Variants in NHLRC2 observed in about 807,000 individuals in gnomAD.
NHLRC2 encodes the protein NHL repeat containing 2.
A neutral mutation model predicts 68.1 loss-of-function variants in NHLRC2; 33 were observed. The observed-to-expected ratio is 0.48, with a 90% CI of 0.37 to 0.65. The LOEUF (loss-of-function observed/expected upper bound fraction) is 0.65. Ranked by LOEUF, NHLRC2 falls within the 30% of genes least tolerant of loss-of-function variation. The pLI is 0.00. For missense variants in NHLRC2, 761 were observed against 853.8 expected (o/e 0.89, Z 1.35); for synonymous variants, 311 against 309.6 (o/e 1.00, Z -0.05).
At position 113,898,133 on chromosome 10, in the gene NHLRC2, A is replaced by G; in HGVS notation, c.1063A>G (p.Ile355Val). 1.9e-6 allele frequency: 3 copies of G among 1,612,008 alleles called. No individual in the cohort carries two copies. The highest frequency in any genetic ancestry group is 2.5e-6 in the Non-Finnish European group (3 of 1,178,210). ...TSGSEVQRGD[I>V]LWIAMAGTHQ... ...AGGTTCAGAGGTCCAAAGAGGTGAC[A>G]TTTTATGGATAGCCATGGCAGGGAC... The change falls in exon 6 of 11, where the codon ATT (isoleucine) becomes GTT (valine). Residue 355 changes from isoleucine to valine, a missense_variant. Transcript: ENST00000369301.
chr10:113,898,033 A>C (rs1000484103), intron 5 of NHLRC2, 77 bp from the exon 6 acceptor site: 5 of 726,450 alleles, frequency 6.9e-6, no homozygotes, highest in African/African-American at 1.8e-5. Context: ...TCCTCCATAA[A>C]TTTAACATTT....
Position 113,855,023 on chromosome 10 carries a change from G to C in NHLRC2, c.151G>C (p.Asp51His). Residue 51 changes from aspartate (D) to histidine (H), a missense_variant, in exon 1 of 11, where the codon GAC becomes CAC. Asp to His is a moderately conservative substitution (Grantham distance 81). Transcript: ENST00000369301. ...GCAGAAGGTGGACGGCTGGGAGCAG[G>C]ACTTGTCAGTACCCGAGTTTCCGGA... ...YLQKVDGWEQ[D>H]LSVPEFPEGL... is the part of the protein sequence containing the mutation. The C allele has an allele frequency of 6.4e-7, 1 of 1,553,070 alleles. No individual in the cohort carries two copies. The highest frequency in any genetic ancestry group is 8.7e-7 in the Non-Finnish European group (1 of 1,147,704).
At position 113,913,578 on chromosome 10, in the gene NHLRC2, G is replaced by A. The variant is rs1367089090; in HGVS notation, c.*5042G>A. 1.3e-5 allele frequency: 2 copies of A among 152,090 alleles called. No individual in the cohort carries two copies. The highest frequency in any genetic ancestry group is 2.4e-5 in the African/African-American group (1 of 41,420). 9.4% of individuals were successfully genotyped at this position (152,090 alleles called of 1,614,324 possible). On this transcript the variant is annotated 3_prime_UTR_variant, in exon 11 of 11. Coordinates refer to ENST00000369301, the MANE Select transcript of NHLRC2 (RefSeq NM_198514.4). ...AGTTCTAACGGTTGGTCTTCAAAAC[G>A]TAATTAAGACCTTATCATAAAGAGC...
chr10:113,870,993 T>C (rs187775764), intron 2 of NHLRC2, among the ~76,000 whole-genome samples: 52 of 151,900 alleles, frequency 3.4e-4, no homozygotes, highest in African/African-American at 1.2e-3. Flanking sequence ...TTCCATGTGT[T>C]AATTATTCTT....
Position 113,910,697 on chromosome 10 carries a change from A to G in NHLRC2, c.*2161A>G, listed in dbSNP as rs1485430495. The G allele has an allele frequency of 2.0e-5, 3 of 152,214 alleles. No individual in the cohort carries two copies. The highest frequency in any genetic ancestry group is 7.2e-5 in the African/African-American group (3 of 41,462). 9.4% of individuals were successfully genotyped at this position (152,214 alleles called of 1,614,324 possible). A position where few individuals can be genotyped will look rare whatever the true frequency, so the allele number is the denominator to read the frequency against. ...ATTTTTCAATATAATATACAAACAC[A>G]GTGTTTGTTATACATGTTCATGTAC... On this transcript the variant is annotated 3_prime_UTR_variant, in exon 11 of 11. Coordinates refer to ENST00000369301, the MANE Select transcript of NHLRC2 (RefSeq NM_198514.4).
rs1254651285 is a variant in NHLRC2 at position 113,912,332 on chromosome 10, A to G, written c.*3796A>G. ...ACCCTACATTTTCTTTGCAACTACAATTTGTGAAGGAAAATCTCCCACTAA... is the reference window on the plus strand; with the variant it reads ...ACCCTACATTTTCTTTGCAACTACAGTTTGTGAAGGAAAATCTCCCACTAA... On this transcript the variant is annotated 3_prime_UTR_variant, in exon 11 of 11. Coordinates refer to ENST00000369301, the MANE Select transcript of NHLRC2 (RefSeq NM_198514.4). 6 of 152,204 alleles carry G rather than the reference A, an allele frequency of 3.9e-5. No individual in the cohort carries two copies. The highest frequency in any genetic ancestry group is 2.9e-5 in the Non-Finnish European group (2 of 68,022). The allele number at this position is 152,204 out of a possible 1,614,324, so 9.4% of individuals were successfully genotyped here. A position where few individuals can be genotyped will look rare whatever the true frequency, so the allele number is the denominator to read the frequency against.
rs75977675 is a variant in NHLRC2, at chr10:113,887,002, A to G, written c.1039+2622A>G. Among the ~76,000 whole-genome samples, 36 of 152,348 alleles carry G rather than the reference A, an allele frequency of 2.4e-4. No individual in the cohort carries two copies. The East Asian group carries it at 6.5e-3, about 28-fold the overall frequency. Reference sequence around the variant, plus strand: ...TAAGGGGCTAATATCCAAAATATGTAAGGAACTCAACTCAATATCAAGAAA... The same window carrying G: ...TAAGGGGCTAATATCCAAAATATGTGAGGAACTCAACTCAATATCAAGAAA... On this transcript the variant is annotated intron_variant, in intron 5 of 10. Transcript: ENST00000369301.
At chr10:113,867,643 C>T (rs1192259782) in intron 2 of NHLRC2, among the ~76,000 whole-genome samples, 1 of 152,226 alleles carries the variant, frequency 6.6e-6, no homozygotes, top group Non-Finnish European at 1.5e-5. Flanking sequence ...AACACCTTGA[C>T]ACAGTGTTCC....
At chr10:113,863,929 G>A (rs748360153) in intron 2 of NHLRC2, among the ~76,000 whole-genome samples, 2 of 152,156 alleles carry the variant, frequency 1.3e-5, no homozygotes, top group Non-Finnish European at 2.9e-5. Context: ...TAGAAAACCT[G>A]AATAGACCTA....
At position 113,911,293 on chromosome 10, in the gene NHLRC2, C is replaced by T. The variant is rs191176557; in HGVS notation, c.*2757C>T. The T allele has an allele frequency of 7.2e-5, 11 of 152,134 alleles. No homozygotes were observed. Among genetic ancestry groups the T allele is most frequent in the Admixed American group, 2.6e-4 (4 of 15,300 alleles). 9.4% of individuals were successfully genotyped at this position (152,134 alleles called of 1,614,324 possible). On this transcript the variant is annotated 3_prime_UTR_variant, in exon 11 of 11. Transcript: ENST00000369301. ...GATATGATTCTTGTAAAGAGTTTAG[C>T]TTATCTTGAACATTCTGTCTTAAGC...
chr10:113,855,093 C>T (rs767261542), intron 1 of NHLRC2, 43 bp downstream of exon 1: 1 of 1,508,942 alleles, frequency 6.6e-7, no homozygotes, highest in South Asian at 1.2e-5. Context: ...CCGGCACCTC[C>T]CCTTCCTCGG....
At chr10:113,859,362 G>A (rs1208876725) in intron 2 of NHLRC2, among the ~76,000 whole-genome samples, 1 of 152,008 alleles carries the variant, frequency 6.6e-6, no homozygotes, top group East Asian at 1.9e-4. Flanking sequence ...ATTTAATTAG[G>A]TTCAAGTGAA....
chr10:113,876,157 G>T (rs115257769), intron 2 of NHLRC2, among the ~76,000 whole-genome samples: 1 of 150,576 alleles, frequency 6.6e-6, no homozygotes, highest in African/African-American at 2.4e-5. Context: ...CCAAAAGCAG[G>T]CATAGTCAAC....
chr10:113,858,616 C>T lies in NHLRC2; in HGVS notation c.267C>T (p.Cys89=). Reference sequence around the variant, plus strand: ...TCGTCCTTGATTTCTTCACCTACTGCTGCATAAACTGTATTCACCTATTGC... The same window carrying T: ...TCGTCCTTGATTTCTTCACCTACTGTTGCATAAACTGTATTCACCTATTGC... The part of the protein sequence containing the change: ...KIVVLDFFTY[C]CINCIHLLPD... Residue 89 remains cysteine (C), a synonymous_variant, in exon 2 of 11, where the codon TGC becomes TGT. Transcript: ENST00000369301. 1 of 1,609,156 alleles carries T rather than the reference C, an allele frequency of 6.2e-7. No individual in the cohort carries two copies. The highest frequency in any genetic ancestry group is 1.1e-5 in the South Asian group (1 of 90,970).
rs546197634 is a variant in NHLRC2, at chr10:113,914,823, G to A, written c.*6287G>A. The stretch of plus-strand genomic sequence containing the variant: ...AATTAAGAGTTTGCTTTTTTCCCAT[G>A]TCTTTGCAATAGGATAATATAAAGA... On this transcript the variant is annotated 3_prime_UTR_variant, in exon 11 of 11. Coordinates refer to ENST00000369301, the MANE Select transcript of NHLRC2 (RefSeq NM_198514.4). 8.7e-6 allele frequency: 3 copies of A among 344,470 alleles called. No homozygotes were observed. The highest frequency in any genetic ancestry group is 1.7e-5 in the Non-Finnish European group (3 of 175,066). 21.3% of individuals were successfully genotyped at this position (344,470 alleles called of 1,614,324 possible). A position where few individuals can be genotyped will look rare whatever the true frequency, so the allele number is the denominator to read the frequency against.
chr10:113,868,534 G>C (rs942061490), intron 2 of NHLRC2, among the ~76,000 whole-genome samples: 5 of 152,086 alleles, frequency 3.3e-5, no homozygotes, highest in Non-Finnish European at 7.4e-5. Flanking sequence ...AATATGATAT[G>C]GTTTATTATA....
At chr10:113,879,725 C>T in intron 4 of NHLRC2, 30 bp downstream of exon 4, 2 of 1,348,052 alleles carry the variant, frequency 1.5e-6, no homozygotes, top group South Asian at 1.3e-5. Flanking sequence ...TGTTTTAATA[C>T]TTACAATCAG....
rs78463571 is a variant in NHLRC2, at chr10:113,886,942, G to T, written c.1039+2562G>T. On this transcript the variant is annotated intron_variant, in intron 5 of 10. Transcript: ENST00000369301. Reference sequence around the variant, plus strand: ...TAACAGAATGAAGAGACAACCTATGGGTTGGGAGAAAATATCTGCAAACCA... The same window carrying T: ...TAACAGAATGAAGAGACAACCTATGTGTTGGGAGAAAATATCTGCAAACCA... Among the ~76,000 whole-genome samples the T allele has an allele frequency of 5.1e-3, 771 of 152,206 alleles. 6 individuals are homozygous for T. Among genetic ancestry groups the T allele is most frequent in the African/African-American group, 0.018 (728 of 41,524 alleles).
Position 113,908,479 on chromosome 10 carries a change from A to T in NHLRC2, c.2124A>T (p.Gln708His). 1 of 1,614,118 alleles carries T rather than the reference A, an allele frequency of 6.2e-7. No individual in the cohort carries two copies. Among genetic ancestry groups the T allele is most frequent in the Non-Finnish European group, 8.5e-7 (1 of 1,179,970 alleles). ...CAATTTTGTTCAGTCAGCCTTTACA[A>T]ATAACGGATACACAGCAAGGTTGCA... ...MKAILFSQPL[Q>H]ITDTQQGCIA... is the part of the protein sequence containing the mutation. The change falls in exon 11 of 11, where the codon CAA (glutamine) becomes CAT (histidine). Residue 708 changes from glutamine (Q) to histidine (H), a missense_variant. By Grantham distance (24) the Gln-to-His change is conservative (BLOSUM62 0). Transcript: ENST00000369301.
Sources: allele counts gnomAD v4.1 joint callset (sites outside exome capture counted in the v4.1 genomes callset), GRCh38; gene constraint gnomAD v4.1.1; transcripts MANE v1.5; gene names NCBI Gene and HGNC (gene_info 2026-07-23, HGNC 2026-07-21).